KCNQ5: variants seen among roughly 807,000 people sequenced by gnomAD.
KCNQ5 encodes potassium voltage-gated channel subfamily KQT member 5.
KCNQ5 carries 30 observed loss-of-function variants against 98.2 expected under a neutral mutation model. The observed-to-expected ratio is 0.31, with a 90% CI of 0.23 to 0.41. The LOEUF (loss-of-function observed/expected upper bound fraction) is 0.41, where lower values mean the gene tolerates loss of function less well. Among genes scored for constraint, KCNQ5 ranks in the 10% least tolerant of loss-of-function variants. The probability of loss-of-function intolerance (pLI) is 1.00; values close to 1 mark genes in which losing one functional copy is unlikely to be tolerated. For missense variants in KCNQ5, 835 were observed against 1,182.5 expected (o/e 0.71, Z 4.31); for synonymous variants, 458 against 449.4 (o/e 1.02, Z -0.24).
At chr6:72,873,116 T>C (rs1409763411) in intron 1 of KCNQ5, among the ~76,000 whole-genome samples, 2 of 152,156 alleles carry the variant, frequency 1.3e-5, no homozygotes, top group Non-Finnish European at 2.9e-5. Context: ...TTGCATTTTC[T>C]TTTCAATCAA....
At chr6:73,131,826 T>C (rs1225792885) in intron 9 of KCNQ5, among the ~76,000 whole-genome samples, 2 of 152,194 alleles carry the variant, frequency 1.3e-5, no homozygotes, top group Non-Finnish European at 2.9e-5. Flanking sequence ...TGTAAAGAAC[T>C]CTTGAACCCA....
At chr6:73,111,719 A>G (rs567415796) in intron 7 of KCNQ5, among the ~76,000 whole-genome samples, 95 of 152,318 alleles carry the variant, frequency 6.2e-4, no homozygotes, top group Admixed American at 1.7e-3. Context: ...GAATTACTTG[A>G]TGAAACGTAA....
chr6:72,781,392 C>T, intron 1 of KCNQ5, among the ~76,000 whole-genome samples: 1 of 152,142 alleles, frequency 6.6e-6, no homozygotes, highest in Middle Eastern at 3.2e-3. Context: ...TCTTAAGCCA[C>T]CAACTTTGTG....
At chr6:73,049,951 C>G (rs548156915) in intron 3 of KCNQ5, among the ~76,000 whole-genome samples, 2 of 151,822 alleles carry the variant, frequency 1.3e-5, no homozygotes, top group Admixed American at 6.6e-5. Context: ...AAAGGGAGAG[C>G]AAGGTAGGAG....
At chr6:72,665,085 C>T (rs527255893) in intron 1 of KCNQ5, among the ~76,000 whole-genome samples, 3 of 151,014 alleles carry the variant, frequency 2.0e-5, no homozygotes, top group East Asian at 1.9e-4. Context: ...TGGTGTCTCA[C>T]GCCTGTAATC....
At chr6:72,640,396 GAGGAAAT>G (rs2098926579) in intron 1 of KCNQ5, among the ~76,000 whole-genome samples, 1 of 150,654 alleles carries the variant, frequency 6.6e-6, no homozygotes, top group Non-Finnish European at 1.5e-5. Flanking sequence ...CTCTTCAGAG[GAGGAAAT>G]GCTGCAATAA....
chr6:72,683,740 T>A lies in KCNQ5; in HGVS notation c.398+61153T>A, dbSNP rs530708891. Reference sequence around the variant, plus strand: ...AGATGTCTCTTAGGAATGCCTGGGTTTGTATGTTTGGTGTGGTAAAAAAAA... The same window carrying A: ...AGATGTCTCTTAGGAATGCCTGGGTATGTATGTTTGGTGTGGTAAAAAAAA... On this transcript the variant is annotated intron_variant, in intron 1 of 13. Transcript: ENST00000370398. Among the ~76,000 whole-genome samples the A allele has an allele frequency of 2.0e-5, 3 of 150,130 alleles. No homozygotes were observed. The East Asian group carries it at 6.0e-4, about 30-fold the overall frequency.
At chr6:72,836,458 G>A (rs1044412624) in intron 1 of KCNQ5, among the ~76,000 whole-genome samples, 1 of 151,880 alleles carries the variant, frequency 6.6e-6, no homozygotes, top group Non-Finnish European at 1.5e-5. Flanking sequence ...ATATATATTT[G>A]AGACAGGGTC....
intron 1 of KCNQ5, among the ~76,000 whole-genome samples, chr6:72,717,712 C>A (rs376649009): frequency 6.6e-6 from 1 of 152,138 alleles, no homozygotes; most frequent in African/African-American, 2.4e-5. Context: ...AGTTTAGAAT[C>A]GCTCTCCATG....
chr6:73,012,101 A>G (rs892393666), intron 2 of KCNQ5, among the ~76,000 whole-genome samples: 2 of 152,160 alleles, frequency 1.3e-5, no homozygotes, highest in Admixed American at 1.3e-4. Context: ...TACATGATGC[A>G]GCAATTCCAC....
chr6:72,719,148 C>A (rs948149783), intron 1 of KCNQ5, among the ~76,000 whole-genome samples: 6 of 152,194 alleles, frequency 3.9e-5, no homozygotes, highest in African/African-American at 1.4e-4. Flanking sequence ...AAATTCTAAT[C>A]TTGCCCTGAA....
chr6:72,866,846 A>G (rs2150157981), intron 1 of KCNQ5, among the ~76,000 whole-genome samples: 1 of 152,360 alleles, frequency 6.6e-6, no homozygotes, highest in East Asian at 1.9e-4. Context: ...ACACCATTAA[A>G]GATGTAATTA....
intron 1 of KCNQ5, among the ~76,000 whole-genome samples, chr6:72,662,869 C>T (rs767472552): frequency 1.1e-4 from 16 of 152,250 alleles, no homozygotes; most frequent in Admixed American, 7.2e-4. Flanking sequence ...AATAAATAAA[C>T]CGCATTTATT....
intron 1 of KCNQ5, among the ~76,000 whole-genome samples, chr6:72,922,370 A>G (rs529636188): frequency 6.6e-6 from 1 of 152,332 alleles, no homozygotes; most frequent in South Asian, 2.1e-4. Context: ...TGAAATGACT[A>G]AATCAAGATA....
Position 73,195,667 on chromosome 6 carries a change from G to A in KCNQ5, c.*253G>A. 1 of 476,546 alleles carries A rather than the reference G, an allele frequency of 2.1e-6. No individual in the cohort carries two copies. The highest frequency in any genetic ancestry group is 4.0e-5 in the East Asian group (1 of 25,236). 29.5% of individuals were successfully genotyped at this position (476,546 alleles called of 1,614,324 possible). Reference sequence around the variant, plus strand: ...TAAAAAGCCTGAGAAACCAAACACAGCTAATGCTATGGGGTGTATGAATAT... The same window carrying A: ...TAAAAAGCCTGAGAAACCAAACACAACTAATGCTATGGGGTGTATGAATAT... On this transcript the variant is annotated 3_prime_UTR_variant, in exon 14 of 14. Coordinates refer to ENST00000370398, the MANE Select transcript of KCNQ5 (RefSeq NM_019842.4).
chr6:72,875,967 T>C (rs150337035), intron 1 of KCNQ5, among the ~76,000 whole-genome samples: 1 of 152,088 alleles, frequency 6.6e-6, no homozygotes, highest in Non-Finnish European at 1.5e-5. Context: ...TATAGAGTTG[T>C]TTGTGTTACT....
At position 73,179,162 on chromosome 6, in the gene KCNQ5, T is replaced by G. The variant is rs553592628; in HGVS notation, c.1577+9308T>G. Among the ~76,000 whole-genome samples the G allele has an allele frequency of 5.3e-4, 80 of 152,338 alleles. 1 individual carries two copies. Among genetic ancestry groups the G allele is most frequent in the African/African-American group, 1.8e-3 (73 of 41,562 alleles). On this transcript the variant is annotated intron_variant, in intron 11 of 13. Transcript: ENST00000370398. Reference sequence around the variant, plus strand: ...GGGAGTATTTCAGTCTGTTTTCTGATGTTTATAACAATATCTGAAACTGAG... The same window carrying G: ...GGGAGTATTTCAGTCTGTTTTCTGAGGTTTATAACAATATCTGAAACTGAG...
At chr6:72,641,689 T>C (rs2098927270) in intron 1 of KCNQ5, among the ~76,000 whole-genome samples, 1 of 152,130 alleles carries the variant, frequency 6.6e-6, no homozygotes, top group Non-Finnish European at 1.5e-5. Flanking sequence ...ACTTTTTAAT[T>C]GTTAATATTA....
chr6:72,837,626 G>T (rs1439228297), intron 1 of KCNQ5, among the ~76,000 whole-genome samples: 2 of 152,114 alleles, frequency 1.3e-5, no homozygotes, highest in African/African-American at 2.4e-5. Flanking sequence ...CATAAATGAA[G>T]GACTTTCTTC....
Sources: gnomAD v4.1 joint callset for allele counts (sites outside exome capture counted in the v4.1 genomes callset) on GRCh38, gnomAD v4.1.1 for gene constraint, MANE v1.5 for transcripts, NCBI Gene and HGNC (gene_info 2026-07-23, HGNC 2026-07-21) for gene names.